The following ADGRL3 variants were observed in gnomAD, a reference collection of about 807,000 sequenced individuals.
ADGRL3 encodes adhesion G protein-coupled receptor L3, also known as calcium-independent alpha-latrotoxin receptor 3.
ADGRL3 carries 62 observed loss-of-function variants against 153.5 expected under a neutral mutation model. The observed-to-expected ratio is 0.40, with a 90% CI of 0.33 to 0.50. The LOEUF (loss-of-function observed/expected upper bound fraction) is 0.50. Among genes scored for constraint, ADGRL3 ranks in the 20% least tolerant of loss-of-function variants. The probability of loss-of-function intolerance (pLI) is 0.47; values close to 1 mark genes in which losing one functional copy is unlikely to be tolerated. For missense variants in ADGRL3, 1,641 were observed against 1,859.4 expected (o/e 0.88, Z 2.16); for synonymous variants, 710 against 672.5 (o/e 1.06, Z -0.86).
intron 13 of ADGRL3, among the ~76,000 whole-genome samples, chr4:61,918,266 G>C (rs917756078): frequency 2.6e-5 from 4 of 152,186 alleles, no homozygotes; most frequent in African/African-American, 9.6e-5. Flanking sequence ...GTGGTTTGTT[G>C]AGATGGTCTA....
chr4:62,036,729 A>T (rs1725211618), intron 23 of ADGRL3, among the ~76,000 whole-genome samples: 1 of 152,104 alleles, frequency 6.6e-6, no homozygotes, highest in Non-Finnish European at 1.5e-5. Flanking sequence ...ACTAATGCGA[A>T]ATCAAATACA....
At chr4:61,489,061 A>T (rs531982470) in intron 2 of ADGRL3, among the ~76,000 whole-genome samples, 1 of 151,998 alleles carries the variant, frequency 6.6e-6, no homozygotes, top group South Asian at 2.1e-4. Context: ...GAGAACAAGA[A>T]TTTTTCTCAT....
At chr4:61,923,828 A>G (rs752438485) in intron 13 of ADGRL3, among the ~76,000 whole-genome samples, 5 of 152,090 alleles carry the variant, frequency 3.3e-5, no homozygotes, top group Non-Finnish European at 7.4e-5. Flanking sequence ...CTCTATCACT[A>G]AGCTGCTTGC....
intron 23 of ADGRL3, among the ~76,000 whole-genome samples, chr4:62,035,139 ACC>A (rs1724267137): frequency 6.6e-6 from 1 of 151,976 alleles, no homozygotes; most frequent in Non-Finnish European, 1.5e-5. Flanking sequence ...ACATATGCTT[ACC>A]ATTTCAAATC....
At chr4:61,395,574 G>A (rs1431871405) in intron 2 of ADGRL3, among the ~76,000 whole-genome samples, 1 of 151,756 alleles carries the variant, frequency 6.6e-6, no homozygotes, top group Non-Finnish European at 1.5e-5. Context: ...TCTAGCTGCA[G>A]TTAAAACATA....
chr4:61,269,156 T>G (rs1360339105), intron 1 of ADGRL3, among the ~76,000 whole-genome samples: 1 of 151,720 alleles, frequency 6.6e-6, no homozygotes, highest in African/African-American at 2.4e-5. Flanking sequence ...CATTATAAAC[T>G]TTTGGCTGGC....
intron 2 of ADGRL3, among the ~76,000 whole-genome samples, chr4:61,458,436 G>T (rs335346): frequency 6.6e-6 from 1 of 150,954 alleles, no homozygotes; most frequent in African/African-American, 2.4e-5. Flanking sequence ...AGGACCAGAA[G>T]TAACATCTCT....
chr4:61,974,897 GA>G (rs2099042632), intron 17 of ADGRL3, among the ~76,000 whole-genome samples: 1 of 152,126 alleles, frequency 6.6e-6, no homozygotes, highest in Non-Finnish European at 1.5e-5. Flanking sequence ...GATTTAAGAG[GA>G]AGAGTCCCAA....
At chr4:61,490,098 A>G (rs2152775475) in intron 2 of ADGRL3, among the ~76,000 whole-genome samples, 2 of 152,044 alleles carry the variant, frequency 1.3e-5, no homozygotes, top group South Asian at 4.1e-4. Context: ...GCCTTTTTCC[A>G]CCTCTTTACC....
intron 2 of ADGRL3, among the ~76,000 whole-genome samples, chr4:61,483,596 G>A (rs1441182221): frequency 1.3e-5 from 2 of 151,890 alleles, no homozygotes; most frequent in African/African-American, 4.8e-5. Flanking sequence ...AATTAGCTGG[G>A]CATGGTGGCG....
intron 4 of ADGRL3, among the ~76,000 whole-genome samples, chr4:61,563,651 C>T (rs2098804425): frequency 6.6e-6 from 1 of 152,320 alleles, no homozygotes; most frequent in Non-Finnish European, 1.5e-5. Context: ...TAACTTGCTG[C>T]AGCTTCTGCA....
chr4:61,978,624 T>C (rs1260515035), intron 17 of ADGRL3, among the ~76,000 whole-genome samples: 2 of 152,142 alleles, frequency 1.3e-5, no homozygotes, highest in Non-Finnish European at 2.9e-5. Context: ...TTTTTTAGTG[T>C]AGGGACAAAA....
At chr4:61,486,358 C>T (rs1436651543) in intron 2 of ADGRL3, among the ~76,000 whole-genome samples, 1 of 152,050 alleles carries the variant, frequency 6.6e-6, no homozygotes, top group African/African-American at 2.4e-5. Flanking sequence ...TCCTGGAATT[C>T]CATTTATAAC....
chr4:61,366,543 T>C (rs928005887), intron 1 of ADGRL3, among the ~76,000 whole-genome samples: 2 of 152,242 alleles, frequency 1.3e-5, no homozygotes, highest in Non-Finnish European at 2.9e-5. Context: ...ACTTAGTATA[T>C]AGCTCATGCT....
At chr4:61,605,621 G>A (rs561262770) in intron 5 of ADGRL3, among the ~76,000 whole-genome samples, 2 of 152,162 alleles carry the variant, frequency 1.3e-5, no homozygotes, top group Non-Finnish European at 2.9e-5. Flanking sequence ...TATAGTTCAA[G>A]ATCATTGATT....
At chr4:61,666,874 T>A (rs539195031) in intron 5 of ADGRL3, among the ~76,000 whole-genome samples, 1 of 152,280 alleles carries the variant, frequency 6.6e-6, no homozygotes, top group African/African-American at 2.4e-5. Flanking sequence ...TGAATATAGA[T>A]GTCATTCCAG....
intron 2 of ADGRL3, among the ~76,000 whole-genome samples, chr4:61,394,205 C>G (rs1240921343): frequency 6.6e-6 from 1 of 151,802 alleles, no homozygotes. Flanking sequence ...GATAAAGAAG[C>G]AAACAAGAGG....
chr4:61,969,292 T>TG (rs1244099673), intron 17 of ADGRL3, among the ~76,000 whole-genome samples: 3 of 151,888 alleles, frequency 2.0e-5, no homozygotes, highest in Non-Finnish European at 2.9e-5. Context: ...TTGATTTTTT[T>TG]GGGGGGTGGG....
intron 2 of ADGRL3, among the ~76,000 whole-genome samples, chr4:61,429,938 G>A (rs1022373525): frequency 3.9e-5 from 6 of 152,028 alleles, no homozygotes; most frequent in Non-Finnish European, 8.8e-5. Flanking sequence ...ATGGCTTCTA[G>A]AGTTAAAGTG....
Sources: gnomAD v4.1 joint callset for allele counts (sites outside exome capture counted in the v4.1 genomes callset) on GRCh38, gnomAD v4.1.1 for gene constraint, MANE v1.5 for transcripts, NCBI Gene and HGNC (gene_info 2026-07-23, HGNC 2026-07-21) for gene names.